OSBPL5: variants seen among roughly 807,000 people sequenced by gnomAD.
The protein encoded by OSBPL5 is oxysterol binding protein like 5, also known as oxysterol-binding protein-related protein 5.
A neutral mutation model predicts 111.2 loss-of-function variants in OSBPL5; 71 were observed. That is an observed-to-expected ratio of 0.64 (90% CI 0.53 to 0.78). The LOEUF (loss-of-function observed/expected upper bound fraction) is 0.78, where lower values mean the gene tolerates loss of function less well. Among genes scored for constraint, OSBPL5 ranks in the 30% least tolerant of loss-of-function variants. OSBPL5 has a pLI of 0.00. For synonymous variants in OSBPL5, 549 were observed against 513.9 expected (o/e 1.07, Z -0.93); for missense variants, 1,210 against 1,189.3 (o/e 1.02, Z -0.26).
At chr11:3,122,301 T>G (rs2134459196) in intron 4 of OSBPL5, 47 bp downstream of exon 4, 1 of 1,582,792 alleles carries the variant, frequency 6.3e-7, no homozygotes, top group East Asian at 2.3e-5. Flanking sequence ...CAGGTGGCCG[T>G]CGGTCTGACA....
chr11:3,104,275 C>G lies in OSBPL5; in HGVS notation c.1162G>C (p.Val388Leu). The G allele has an allele frequency of 7.4e-6, 12 of 1,613,838 alleles. No homozygotes were observed. The highest frequency in any genetic ancestry group is 1.0e-5 in the Non-Finnish European group (12 of 1,179,980). ...GGCTCCAGTACGAACGTGGGTAGCA[C>G]CACGCGGGACAGGTCCATGCCTGGC... ...LRPGMDLSRV[V>L]LPTFVLEPRS... Residue 388 changes from valine (V) to leucine (L), a missense_variant, in exon 10 of 22, where the codon GTG becomes CTG. Physicochemically the swap from Val to Leu is conservative, Grantham distance 32. Coordinates refer to ENST00000263650, the MANE Select transcript of OSBPL5 (RefSeq NM_020896.4). The surrounding 1 kb of genome is among the most constrained non-coding windows in gnomAD (Gnocchi z 5.0).
At chr11:3,131,499 C>T (rs1858830520) in intron 1 of OSBPL5, among the ~76,000 whole-genome samples, 1 of 148,394 alleles carries the variant, frequency 6.7e-6, no homozygotes, top group Admixed American at 6.7e-5. Flanking sequence ...CATCTACCAT[C>T]CTCCCATCTA....
At chr11:3,133,409 G>A (rs999129792) in intron 1 of OSBPL5, among the ~76,000 whole-genome samples, 1 of 152,226 alleles carries the variant, frequency 6.6e-6, no homozygotes, top group Non-Finnish European at 1.5e-5. Context: ...GCCTGTTATC[G>A]CCACTGCCCT....
chr11:3,121,376 T>A lies in OSBPL5; in HGVS notation c.402+621A>T, dbSNP rs1003794347. 5.3e-5 allele frequency among the ~76,000 whole-genome samples: 8 copies of A among 152,170 alleles called. No homozygotes were observed. The highest frequency in any genetic ancestry group is 1.0e-4 in the Non-Finnish European group (7 of 68,034). On this transcript the variant is annotated intron_variant, in intron 5 of 21. Transcript: ENST00000263650. The surrounding 1 kb of genome is among the most constrained non-coding windows in gnomAD (Gnocchi z 4.3). ...CCCGGCCTGGCAGCTCTGTAAATTCTGAAAGTAGTTGTCTTCTTTTCTCAT... is the reference window on the plus strand; with the variant it reads ...CCCGGCCTGGCAGCTCTGTAAATTCAGAAAGTAGTTGTCTTCTTTTCTCAT...
Position 3,093,537 on chromosome 11 carries a change from C to T in OSBPL5, c.1936G>A (p.Glu646Lys). Residue 646 changes from glutamate (E) to lysine (K), a missense_variant, in exon 17 of 22, where the codon GAG becomes AAG. By Grantham distance (56) the Glu-to-Lys change is moderately conservative. Coordinates refer to ENST00000263650, the MANE Select transcript of OSBPL5 (RefSeq NM_020896.4). ...GCTGACAGGCCTCACCTCTCGGACTCCAGCTCCGTCTGCTCCTCCAGCGGC... is the reference window on the plus strand; with the variant it reads ...GCTGACAGGCCTCACCTCTCGGACTTCAGCTCCGTCTGCTCCTCCAGCGGC... ...TVPLEEQTEL[E>K]SERLWQHVTR... is the part of the protein sequence containing the mutation. The T allele has an allele frequency of 5.0e-6, 8 of 1,609,546 alleles. No individual in the cohort carries two copies. The highest frequency in any genetic ancestry group is 6.8e-6 in the Non-Finnish European group (8 of 1,179,858).
chr11:3,156,458 T>A (rs1275416996), intron 1 of OSBPL5, among the ~76,000 whole-genome samples: 1 of 152,108 alleles, frequency 6.6e-6, no homozygotes, highest in Non-Finnish European at 1.5e-5. Context: ...TCTGTCTGCA[T>A]GTGTTTATGG....
Position 3,104,421 on chromosome 11 carries a change from G to T in OSBPL5, c.1060-44C>A. On this transcript the variant is annotated intron_variant, in intron 9 of 21. Transcript: ENST00000263650. This position sits in a 1 kb window ranked among gnomAD's most constrained non-coding sequence, Gnocchi z 5.0. ...AGTCAGGCCCTGCCCGGAAGAGCCGGGAGGAAGGGGTGGCGGGACAGTGGC... is the reference window on the plus strand; with the variant it reads ...AGTCAGGCCCTGCCCGGAAGAGCCGTGAGGAAGGGGTGGCGGGACAGTGGC... 1.9e-6 allele frequency: 3 copies of T among 1,589,140 alleles called. No individual in the cohort carries two copies. Among genetic ancestry groups the T allele is most frequent in the Non-Finnish European group, 1.7e-6 (2 of 1,174,788 alleles).
chr11:3,098,495 ATTTTTTTTTTTT>A (rs552382553), intron 14 of OSBPL5, among the ~76,000 whole-genome samples: 7 of 81,202 alleles, frequency 8.6e-5, no homozygotes, highest in African/African-American at 2.5e-4. Flanking sequence ...ACATGAAGGA[ATTTTTTTTTTTT>A]TTTTTTTTTT....
intron 1 of OSBPL5, among the ~76,000 whole-genome samples, chr11:3,158,236 G>C (rs551452855): frequency 3.3e-5 from 5 of 152,250 alleles, no homozygotes; most frequent in Non-Finnish European, 7.3e-5. Flanking sequence ...GTCTCGGAGC[G>C]AGAGAAATCT....
intron 15 of OSBPL5, 136 bp downstream of exon 15, chr11:3,094,101 G>A (rs1857161790): frequency 6.9e-6 from 6 of 866,828 alleles, no homozygotes; most frequent in Admixed American, 2.4e-5. Flanking sequence ...TCTGTGTTCC[G>A]GGATGTCAAC....
chr11:3,152,925 C>T (rs1846636321), intron 1 of OSBPL5, among the ~76,000 whole-genome samples: 2 of 152,178 alleles, frequency 1.3e-5, no homozygotes, highest in Admixed American at 6.5e-5. Context: ...TCCGTCCGCT[C>T]CCGGTTTGCT....
intron 1 of OSBPL5, among the ~76,000 whole-genome samples, chr11:3,143,006 A>G (rs78332275): frequency 0.037 from 2,588 of 70,822 alleles, 38 homozygotes; most frequent in East Asian, 0.078. Context: ...AGGCAGGTGC[A>G]GAGGGGGGCA....
Position 3,107,743 on chromosome 11 carries a change from C to T in OSBPL5, c.866+28G>A. ...TACAAGGAGACCCCGTGAATCACCA[C>T]CAGCCCCTGTGCCCTCGCCCCACTC... On this transcript the variant is annotated intron_variant, in intron 8 of 21. Transcript: ENST00000263650. This position sits in a 1 kb window ranked among gnomAD's most constrained non-coding sequence, Gnocchi z 6.1. 6.2e-7 allele frequency: 1 copy of T among 1,606,790 alleles called. No homozygotes were observed. Among genetic ancestry groups the T allele is most frequent in the South Asian group, 1.1e-5 (1 of 91,018 alleles).
rs544155901 is a variant in OSBPL5, at chr11:3,121,826, A to G, written c.402+171T>C. On this transcript the variant is annotated intron_variant, in intron 5 of 21. Coordinates refer to ENST00000263650, the MANE Select transcript of OSBPL5 (RefSeq NM_020896.4). The surrounding 1 kb of genome is among the most constrained non-coding windows in gnomAD (Gnocchi z 4.3). ...GGTGTCCTTATAAAAAGGGGGAGAG[A>G]CAGGTGGATAAGGAAAGGCCTCATG... is the stretch of plus-strand genomic sequence containing the variant. 5 of 623,696 alleles carry G rather than the reference A, an allele frequency of 8.0e-6. No homozygotes were observed. The highest frequency in any genetic ancestry group is 5.5e-5 in the African/African-American group (3 of 54,698). The allele number at this position is 623,696 out of a possible 1,614,324, so 38.6% of individuals were successfully genotyped here.
intron 1 of OSBPL5, among the ~76,000 whole-genome samples, chr11:3,139,856 T>C (rs1432769710): frequency 6.6e-6 from 1 of 152,180 alleles, no homozygotes; most frequent in Non-Finnish European, 1.5e-5. Flanking sequence ...CACAAGCTCC[T>C]AGGGTGCGTT....
chr11:3,148,215 T>A (rs915283519), intron 1 of OSBPL5, among the ~76,000 whole-genome samples: 4 of 152,174 alleles, frequency 2.6e-5, no homozygotes, highest in Admixed American at 2.6e-4. Flanking sequence ...ACTTTCTTAG[T>A]TGTCTTTTGG....
At position 3,143,869 on chromosome 11, in the gene OSBPL5, C is replaced by T. The variant is rs1327904623; in HGVS notation, c.-21-14700G>A. ...GCCGTGGTCATAGCTGAGCAGGGCCCGAGGAAGGCACCCGGGCTGCAGTGC... is the reference window on the plus strand; with the variant it reads ...GCCGTGGTCATAGCTGAGCAGGGCCTGAGGAAGGCACCCGGGCTGCAGTGC... On this transcript the variant is annotated intron_variant, in intron 1 of 21. Coordinates refer to ENST00000263650, the MANE Select transcript of OSBPL5 (RefSeq NM_020896.4). Among the ~76,000 whole-genome samples the T allele has an allele frequency of 2.0e-5, 3 of 152,168 alleles. No individual in the cohort carries two copies. The East Asian group carries it at 5.8e-4, about 29-fold the overall frequency.
intron 17 of OSBPL5, 199 bp from the exon 18 acceptor site, chr11:3,093,251 TCTC>T: frequency 1.3e-6 from 1 of 742,538 alleles, no homozygotes; most frequent in Non-Finnish European, 2.1e-6. Flanking sequence ...TGAGCTCCCA[TCTC>T]CCGCCTGCAG....
chr11:3,121,911 T>C lies in OSBPL5; in HGVS notation c.402+86A>G, dbSNP rs1858429469. The C allele has an allele frequency of 1.6e-6, 2 of 1,253,140 alleles. No homozygotes were observed. Among genetic ancestry groups the C allele is most frequent in the South Asian group, 1.3e-5 (1 of 76,816 alleles). The allele number at this position is 1,253,140 out of a possible 1,614,324, so 77.6% of individuals were successfully genotyped here. ...ATGCAGGGAAGTGAATTTCCATCGT[T>C]TCAGGCCACCTGGTTTATGGTCCTT... On this transcript the variant is annotated intron_variant, in intron 5 of 21. Transcript: ENST00000263650. This position sits in a 1 kb window ranked among gnomAD's most constrained non-coding sequence, Gnocchi z 4.3.
Sources: allele counts gnomAD v4.1 joint callset (sites outside exome capture counted in the v4.1 genomes callset), GRCh38; gene constraint gnomAD v4.1.1; non-coding constraint Gnocchi (gnomAD v3.1); transcripts MANE v1.5; gene names NCBI Gene and HGNC (gene_info 2026-07-23, HGNC 2026-07-21).